The following FOXK2 variants were observed in gnomAD, a reference collection of about 807,000 sequenced individuals.
FOXK2 encodes the protein forkhead box K2.
FOXK2 carries 24 observed loss-of-function variants against 53.3 expected under a neutral mutation model. That is an observed-to-expected ratio of 0.45 (90% CI 0.33 to 0.63). FOXK2 has a LOEUF of 0.63. FOXK2 is among the 30% of genes least tolerant of loss of function. The pLI, the probability that FOXK2 is intolerant of heterozygous loss-of-function variation, is 0.03. For missense variants in FOXK2, 952 were observed against 910.5 expected (o/e 1.05, Z -0.59); for synonymous variants, 505 against 407.1 (o/e 1.24, Z -2.89).
At chr17:82,530,541 C>T (rs1346676354) in intron 1 of FOXK2, among the ~76,000 whole-genome samples, 5 of 138,032 alleles carry the variant, frequency 3.6e-5, no homozygotes, top group African/African-American at 8.1e-5. Context: ...GACAGAGTCT[C>T]GCTCTGTCAC....
At chr17:82,587,354 C>A (rs774946780) in intron 8 of FOXK2, 82 bp downstream of exon 8, 4 of 1,094,994 alleles carry the variant, frequency 3.7e-6, no homozygotes, top group Non-Finnish European at 5.5e-6. Context: ...TCGGTTCTGA[C>A]TGTAACAATT....
At chr17:82,558,140 C>T (rs2044751916) in intron 1 of FOXK2, among the ~76,000 whole-genome samples, 1 of 152,042 alleles carries the variant, frequency 6.6e-6, no homozygotes, top group South Asian at 2.1e-4. Flanking sequence ...TGTGACCAGC[C>T]TGGGTGACAT....
intron 1 of FOXK2, among the ~76,000 whole-genome samples, chr17:82,542,996 G>A (rs2044588791): frequency 6.6e-6 from 1 of 152,136 alleles, no homozygotes; most frequent in Admixed American, 6.6e-5. Context: ...CTGTATAAAT[G>A]AATAAACGAA....
chr17:82,595,595 G>A (rs912273984), intron 8 of FOXK2, among the ~76,000 whole-genome samples: 5 of 152,158 alleles, frequency 3.3e-5, no homozygotes, highest in Non-Finnish European at 2.9e-5. Flanking sequence ...GAGCCACCGC[G>A]CCCAGCCTTC....
Position 82,584,210 on chromosome 17 carries a change from C to T in FOXK2, c.1279+22C>T, listed in dbSNP as rs750871743. 17 of 1,569,060 alleles carry T rather than the reference C, an allele frequency of 1.1e-5. No individual in the cohort carries two copies. The highest frequency in any genetic ancestry group is 8.1e-5 in the African/African-American group (6 of 74,104). On this transcript the variant is annotated intron_variant, in intron 6 of 8. Transcript: ENST00000335255. ...CCAGGTGAGACAGCGGGAGAGGAAG[C>T]GAGGGCCCCAACAGCGTGAGCCAGA...
intron 3 of FOXK2, among the ~76,000 whole-genome samples, chr17:82,569,626 A>G (rs935409120): frequency 6.6e-6 from 1 of 152,212 alleles, no homozygotes; most frequent in African/African-American, 2.4e-5. Context: ...ATGTTTTTCA[A>G]TTTAAAAAGT....
intron 8 of FOXK2, among the ~76,000 whole-genome samples, chr17:82,592,105 A>G (rs1456018338): frequency 1.3e-5 from 2 of 152,086 alleles, no homozygotes; most frequent in Non-Finnish European, 2.9e-5. Context: ...GGGTCTCACT[A>G]TGTTGCCCAG....
At chr17:82,527,800 T>G (rs773887997) in intron 1 of FOXK2, among the ~76,000 whole-genome samples, 5 of 152,164 alleles carry the variant, frequency 3.3e-5, no homozygotes, top group African/African-American at 9.6e-5. Flanking sequence ...GGTAAAACTC[T>G]GTGTTCCTTT....
chr17:82,558,402 C>T (rs912172250), intron 1 of FOXK2, among the ~76,000 whole-genome samples: 10 of 152,158 alleles, frequency 6.6e-5, no homozygotes, highest in African/African-American at 1.7e-4. Flanking sequence ...GCCCTGTCCG[C>T]GGAGAGCACT....
intron 1 of FOXK2, among the ~76,000 whole-genome samples, chr17:82,530,359 G>T (rs1567964416): frequency 6.7e-6 from 1 of 148,666 alleles, no homozygotes; most frequent in Non-Finnish European, 1.5e-5. Context: ...GTGTGGTGGC[G>T]CATGCCTCTA....
At position 82,534,245 on chromosome 17, in the gene FOXK2, C is replaced by T. The variant is rs150744112; in HGVS notation, c.419+13938C>T. Among the ~76,000 whole-genome samples the T allele has an allele frequency of 4.4e-4, 67 of 151,122 alleles. 2 individuals carry two copies. The East Asian group carries it at 0.012, about 28-fold the overall frequency. On this transcript the variant is annotated intron_variant, in intron 1 of 8. Transcript: ENST00000335255. ...TGGGCAGCAGAGCAAAACCTCGACT[C>T]GAAAAAAAAAGAAAAGATGGCTGAT... is the stretch of plus-strand genomic sequence containing the variant.
rs1241365215 is a variant in FOXK2 at position 82,585,952 on chromosome 17, T to C, written c.1328T>C (p.Leu443Pro). 11 of 1,612,718 alleles carry C rather than the reference T, an allele frequency of 6.8e-6. No homozygotes were observed. Among genetic ancestry groups the C allele is most frequent in the Non-Finnish European group, 7.6e-6 (9 of 1,179,886 alleles). Residue 443 changes from leucine (L) to proline (P), a missense_variant, in exon 7 of 9, where the codon CTA becomes CCA. By Grantham distance (98) the Leu-to-Pro change is moderately conservative. Transcript: ENST00000335255. The part of the protein sequence containing the change: ...QPVLITVQRQ[L>P]PQAIKPVTYT... ...GTCTTAATCACCGTCCAGCGGCAGCTACCACAGGCCATCAAGCCTGTCACC... is the reference window on the plus strand; with the variant it reads ...GTCTTAATCACCGTCCAGCGGCAGCCACCACAGGCCATCAAGCCTGTCACC...
chr17:82,569,776 C>T (rs1555639807), intron 3 of FOXK2, among the ~76,000 whole-genome samples: 1 of 152,076 alleles, frequency 6.6e-6, no homozygotes, highest in Non-Finnish European at 1.5e-5. Context: ...GAGGCTGAGG[C>T]AGAATCACTT....
intron 1 of FOXK2, among the ~76,000 whole-genome samples, chr17:82,523,945 A>C (rs1599875076): frequency 6.6e-6 from 1 of 152,232 alleles, no homozygotes; most frequent in East Asian, 1.9e-4. Context: ...TCCAGGCTGG[A>C]GTGCAGTGGC....
At chr17:82,564,722 T>G (rs2044835222) in intron 2 of FOXK2, among the ~76,000 whole-genome samples, 1 of 149,816 alleles carries the variant, frequency 6.7e-6, no homozygotes. Flanking sequence ...CCTCACATAA[T>G]GTAGTCAAAT....
intron 1 of FOXK2, among the ~76,000 whole-genome samples, chr17:82,522,819 G>A (rs531225262): frequency 2.0e-5 from 3 of 152,114 alleles, no homozygotes; most frequent in East Asian, 3.9e-4. Flanking sequence ...TTTTTGAGAC[G>A]GAGTCTCGCT....
At chr17:82,533,070 G>A (rs1021995818) in intron 1 of FOXK2, among the ~76,000 whole-genome samples, 2 of 152,190 alleles carry the variant, frequency 1.3e-5, no homozygotes, top group African/African-American at 2.4e-5. Flanking sequence ...GAAGTAACGT[G>A]CATGGAGCTG....
chr17:82,531,643 G>A (rs559323087), intron 1 of FOXK2, among the ~76,000 whole-genome samples: 1 of 152,112 alleles, frequency 6.6e-6, no homozygotes, highest in Non-Finnish European at 1.5e-5. Context: ...CATGGTGTTT[G>A]TGTATCTAAA....
chr17:82,596,462 C>T (rs895575480), intron 8 of FOXK2, among the ~76,000 whole-genome samples: 3 of 14,950 alleles, frequency 2.0e-4, no homozygotes, highest in South Asian at 7.5e-3. Context: ...GGCGTCAGGA[C>T]GTGCCTGCCC....
Sources: gnomAD v4.1 joint callset for allele counts (sites outside exome capture counted in the v4.1 genomes callset) on GRCh38, gnomAD v4.1.1 for gene constraint, MANE v1.5 for transcripts, NCBI Gene and HGNC (gene_info 2026-07-23, HGNC 2026-07-21) for gene names.